The following C11orf65 variants were observed in gnomAD, a reference collection of about 807,000 sequenced individuals.
C11orf65 encodes protein MFI.
Under a neutral mutation model 35.3 loss-of-function variants are expected in C11orf65, and 38 were observed. That is an observed-to-expected ratio of 1.08 (90% confidence interval 0.83 to 1.41). The LOEUF (loss-of-function observed/expected upper bound fraction) is 1.41. C11orf65 is among the 40% of genes most tolerant of loss of function. The pLI, the probability that C11orf65 is intolerant of heterozygous loss-of-function variation, is 0.00. For missense variants in C11orf65, 370 were observed against 367.1 expected (o/e 1.01, Z -0.06); for synonymous variants, 105 against 114.4 (o/e 0.92, Z 0.53).
At chr11:108,389,999 TTTTTTTATTTATTTTA>T (rs2092113087) in intron 7 of C11orf65, among the ~76,000 whole-genome samples, 1 of 149,908 alleles carries the variant, frequency 6.7e-6, no homozygotes, top group Non-Finnish European at 1.5e-5. Context: ...TGGCTGGTTT[TTTTTTTATTTATTTTA>T]TTTTTTATTT....
intron 2 of C11orf65, among the ~76,000 whole-genome samples, chr11:108,364,899 G>A (rs2091172271): frequency 6.6e-6 from 1 of 152,238 alleles, no homozygotes; most frequent in African/African-American, 2.4e-5. Context: ...AATGAAATGA[G>A]AAGCTTGGAG....
intron 3 of C11orf65, among the ~76,000 whole-genome samples, chr11:108,425,483 T>G (rs2092887292): frequency 6.6e-6 from 1 of 152,056 alleles, no homozygotes; most frequent in Non-Finnish European, 1.5e-5. Context: ...AATAACAAGT[T>G]CTGAAATTGA....
intron 6 of C11orf65, among the ~76,000 whole-genome samples, chr11:108,393,727 A>G (rs982940863): frequency 3.9e-5 from 6 of 152,198 alleles, no homozygotes; most frequent in African/African-American, 1.4e-4. Flanking sequence ...GAGGAAATAA[A>G]TCTTTGAGGA....
At chr11:108,457,607 C>CA (rs2093423836) in intron 2 of C11orf65, among the ~76,000 whole-genome samples, 2 of 152,236 alleles carry the variant, frequency 1.3e-5, no homozygotes, top group Non-Finnish European at 2.9e-5. Context: ...TGCACCACTG[C>CA]ATTCCAGCCT....
downstream of C11orf65, among the ~76,000 whole-genome samples, chr11:108,328,231 G>T (rs985898628): frequency 6.6e-6 from 1 of 152,026 alleles, no homozygotes; most frequent in African/African-American, 2.4e-5. Flanking sequence ...TGAAACACAT[G>T]ATGCGATTGT....
At chr11:108,444,506 A>C (rs538572353) in intron 2 of C11orf65, among the ~76,000 whole-genome samples, 4 of 152,158 alleles carry the variant, frequency 2.6e-5, no homozygotes, top group Non-Finnish European at 5.9e-5. Flanking sequence ...CCTGGCAGAG[A>C]CACAACAAAA....
At chr11:108,340,678 T>C (rs2087442961) in intron 2 of C11orf65, among the ~76,000 whole-genome samples, 1 of 152,172 alleles carries the variant, frequency 6.6e-6, no homozygotes, top group African/African-American at 2.4e-5. Context: ...GAGTGATCCT[T>C]TTAAAATTGT....
intron 2 of C11orf65, chr11:108,347,148 ATT>A: frequency 2.6e-6 from 2 of 762,616 alleles, no homozygotes; most frequent in East Asian, 5.2e-5. Flanking sequence ...TATGCACATC[ATT>A]TAAGTAGGCT....
intron 6 of C11orf65, among the ~76,000 whole-genome samples, chr11:108,309,619 C>G (rs997422060): frequency 1.3e-5 from 2 of 152,152 alleles, no homozygotes; most frequent in East Asian, 3.8e-4. Flanking sequence ...GAAAAAGATA[C>G]TATCTATGGT....
chr11:108,316,753 C>CAAAAAAAAA (rs58165074), intron 6 of C11orf65, among the ~76,000 whole-genome samples: 311 of 70,330 alleles, frequency 4.4e-3, no homozygotes, highest in East Asian at 5.5e-3. Flanking sequence ...ACTAAAAATA[C>CAAAAAAAAA]AAAAAAAAAA....
At chr11:108,448,874 T>A (rs1446350701) in intron 2 of C11orf65, among the ~76,000 whole-genome samples, 2 of 152,168 alleles carry the variant, frequency 1.3e-5, no homozygotes. Context: ...TGATTGTATA[T>A]CTAGAAAACC....
chr11:108,361,973 C>T (rs2090819830), intron 2 of C11orf65, among the ~76,000 whole-genome samples: 2 of 134,802 alleles, frequency 1.5e-5, no homozygotes, highest in Admixed American at 1.6e-4. Context: ...TAAAGAGCTT[C>T]TGCACAGCAA....
At chr11:108,337,397 C>T (rs1220140076) in intron 2 of C11orf65, among the ~76,000 whole-genome samples, 2 of 152,200 alleles carry the variant, frequency 1.3e-5, no homozygotes, top group Non-Finnish European at 2.9e-5. Context: ...ATAAAGGCTA[C>T]TCTGTAGAGG....
chr11:108,354,070 A>AACACACACACACACACACACAC (rs71047689), intron 2 of C11orf65, among the ~76,000 whole-genome samples: 2 of 114,830 alleles, frequency 1.7e-5, no homozygotes, highest in African/African-American at 3.0e-5. Context: ...CACACACACA[A>AACACACACACACACACACACAC]ACACACACAC....
At chr11:108,444,360 C>T (rs187636399) in intron 2 of C11orf65, among the ~76,000 whole-genome samples, 1,759 of 152,130 alleles carry the variant, frequency 0.012, 45 homozygotes, top group African/African-American at 0.04. Context: ...CAGGACCAGA[C>T]GGATTCACAG....
At chr11:108,332,325 G>A (rs535949497) in intron 3 of C11orf65, among the ~76,000 whole-genome samples, 31 of 152,132 alleles carry the variant, frequency 2.0e-4, no homozygotes, top group African/African-American at 6.7e-4. Context: ...CCAGCTACTC[G>A]GGAGGCTGAG....
At chr11:108,399,125 A>G (rs1000862888) in intron 6 of C11orf65, among the ~76,000 whole-genome samples, 17 of 152,174 alleles carry the variant, frequency 1.1e-4, no homozygotes, top group African/African-American at 4.1e-4. Context: ...ACAAGACTCC[A>G]CGGTGCAACC....
chr11:108,452,609 A>T (rs1172129926), intron 2 of C11orf65, among the ~76,000 whole-genome samples: 1 of 152,232 alleles, frequency 6.6e-6, no homozygotes, highest in South Asian at 2.1e-4. Context: ...TCAAGGATCT[A>T]GAACCAGAAA....
At chr11:108,372,106 C>CAAAA (rs1378914650) in intron 2 of C11orf65, among the ~76,000 whole-genome samples, 1 of 152,154 alleles carries the variant, frequency 6.6e-6, no homozygotes, top group Non-Finnish European at 1.5e-5. Context: ...GAAAACTACC[C>CAAAA]AAAATGTTCC....
Sources: gnomAD v4.1 joint callset for allele counts (sites outside exome capture counted in the v4.1 genomes callset) on GRCh38, gnomAD v4.1.1 for gene constraint, MANE v1.5 for transcripts, NCBI Gene and HGNC (gene_info 2026-07-23, HGNC 2026-07-21) for gene names.